The following SLC35F5 variants were observed in gnomAD, a reference collection of about 807,000 sequenced individuals.
The protein encoded by SLC35F5 is solute carrier family 35 member F5.
Under a neutral mutation model 68.6 loss-of-function variants are expected in SLC35F5, and 54 were observed. The observed-to-expected ratio is 0.79, with a 90% confidence interval of 0.63 to 0.99. SLC35F5 has a LOEUF of 0.99. SLC35F5 is among the 50% of genes least tolerant of loss of function. The pLI is 0.00. For synonymous variants in SLC35F5, 211 were observed against 205.2 expected (o/e 1.03, Z -0.24); for missense variants, 567 against 626.9 (o/e 0.90, Z 1.02).
At chr2:113,727,138 AGTTCCCC>A (rs1687693936) in intron 11 of SLC35F5, among the ~76,000 whole-genome samples, 1 of 152,162 alleles carries the variant, frequency 6.6e-6, no homozygotes, top group African/African-American at 2.4e-5. Context: ...AGTGTTTGGC[AGTTCCCC>A]CTTCTCAAGT....
chr2:113,756,517 G>GT lies in SLC35F5; in HGVS notation c.-109_-108insA. ...GCGCCGCACTGGAGGCCCAGCTCCT[G>GT]AAGACGCGGTGCCCCTCAGGGAGAG... On this transcript the variant is annotated 5_prime_UTR_variant, in exon 1 of 16. Transcript: ENST00000245680. 6.6e-7 allele frequency: 1 copy of GT among 1,506,218 alleles called. No individual in the cohort carries two copies. The highest frequency in any genetic ancestry group is 1.4e-5 in the African/African-American group (1 of 72,150). The allele number at this position is 1,506,218 out of a possible 1,614,324, so 93.3% of individuals were successfully genotyped here.
At chr2:113,725,685 G>C (rs1687632475) in intron 11 of SLC35F5, 148 bp from the exon 12 acceptor site, 1 of 650,232 alleles carries the variant, frequency 1.5e-6, no homozygotes. Context: ...TTTTAAGTCA[G>C]TCCTGTGAAT....
chr2:113,711,521 AT>A lies in SLC35F5; in HGVS notation c.*3696del, dbSNP rs1262572734. 6.6e-6 allele frequency among the ~76,000 whole-genome samples: 1 copy of A among 151,512 alleles called. No homozygotes were observed. The highest frequency in any genetic ancestry group is 1.5e-5 in the Non-Finnish European group (1 of 67,780). The stretch of plus-strand genomic sequence containing the variant: ...AAATGAGGCTGTTACTATAAAAAAA[AT>A]GTGGTGTCTAAAAATTGCAAGTCTA... On this transcript the variant is annotated 3_prime_UTR_variant, in exon 16 of 16. Coordinates refer to ENST00000245680, the MANE Select transcript of SLC35F5 (RefSeq NM_025181.5).
chr2:113,725,821 T>A (rs1687640136), intron 11 of SLC35F5: 2 of 244,986 alleles, frequency 8.2e-6, no homozygotes, highest in South Asian at 1.6e-4. Context: ...AGAAGGGTTG[T>A]TAACCTTAGC....
chr2:113,738,500 G>A (rs1460900778), intron 7 of SLC35F5, among the ~76,000 whole-genome samples: 2 of 151,882 alleles, frequency 1.3e-5, no homozygotes, highest in African/African-American at 2.4e-5. Context: ...TTCATCCATC[G>A]ATAGACACTC....
chr2:113,705,664 G>A (rs1018510027), downstream of SLC35F5: 1 of 152,064 alleles, frequency 6.6e-6, no homozygotes, highest in Admixed American at 6.5e-5. Context: ...GAAGAAAGAA[G>A]TTATAAGTAG....
At position 113,750,565 on chromosome 2, in the gene SLC35F5, C is replaced by T. The variant is rs778454228; in HGVS notation, c.277G>A (p.Val93Ile). Residue 93 changes from valine to isoleucine, a missense_variant, in exon 4 of 16, where the codon GTT (valine) becomes ATT (isoleucine). Transcript: ENST00000245680. Reference sequence around the variant, plus strand: ...AATGGTTTGTTGTACTGGGTAAAAACATACTGTAGAGGAAAAAGTTACACA... The same window carrying T: ...AATGGTTTGTTGTACTGGGTAAAAATATACTGTAGAGGAAAAAGTTACACA... The part of the protein sequence containing the change: ...WVASSELTSY[V>I]FTQYNKPFFS... 1 of 1,602,206 alleles carries T rather than the reference C, an allele frequency of 6.2e-7. No homozygotes were observed. The highest frequency in any genetic ancestry group is 8.5e-7 in the Non-Finnish European group (1 of 1,175,064).
intron 5 of SLC35F5, 104 bp downstream of exon 5, chr2:113,746,173 T>C: frequency 1.2e-6 from 1 of 842,156 alleles, no homozygotes. Context: ...TATTGAGCCA[T>C]ATCTATGTTG....
At chr2:113,702,906 C>G (rs190180730), downstream of SLC35F5, among the ~76,000 whole-genome samples, 1 of 152,024 alleles carries the variant, frequency 6.6e-6, no homozygotes, top group Non-Finnish European at 1.5e-5. Flanking sequence ...GCCAGGAGTT[C>G]GAGACCAGCC....
chr2:113,755,157 G>A lies in SLC35F5; in HGVS notation c.273+8C>T. The stretch of plus-strand genomic sequence containing the variant: ...ATGTAACATCATTCCTGGACCAAAG[G>A]TACATACCGAAGTAAGTTCAGAGGA... On this transcript the variant is annotated splice_region_variant and intron_variant, in intron 3 of 15. Coordinates refer to ENST00000245680, the MANE Select transcript of SLC35F5 (RefSeq NM_025181.5). 2.5e-6 allele frequency: 4 copies of A among 1,613,506 alleles called. No individual in the cohort carries two copies. The highest frequency in any genetic ancestry group is 2.5e-6 in the Non-Finnish European group (3 of 1,179,686).
At chr2:113,705,424 C>T (rs12464002), downstream of SLC35F5, 4,397 of 152,318 alleles carry the variant, frequency 0.029, 116 homozygotes, top group Admixed American at 0.036. Flanking sequence ...TGGTGGCGTG[C>T]GCCTGTAGTC....
chr2:113,749,637 T>A (rs1237843540), intron 4 of SLC35F5, among the ~76,000 whole-genome samples: 2 of 151,606 alleles, frequency 1.3e-5, no homozygotes, highest in African/African-American at 4.9e-5. Flanking sequence ...GTTACTAGGG[T>A]TTGGAGGGAA....
chr2:113,756,528 G>GC lies in SLC35F5; in HGVS notation c.-120dup, dbSNP rs1010128236. On this transcript the variant is annotated 5_prime_UTR_variant, in exon 1 of 16. Transcript: ENST00000245680. ...GAGGCCCAGCTCCTGAAGACGCGGTGCCCCTCAGGGAGAGGCTCCCGACAC... is the reference window on the plus strand; with the variant it reads ...GAGGCCCAGCTCCTGAAGACGCGGTGCCCCCTCAGGGAGAGGCTCCCGACAC... 41 of 1,492,846 alleles carry GC rather than the reference G, an allele frequency of 2.7e-5. No individual in the cohort carries two copies. Among genetic ancestry groups the GC allele is most frequent in the Non-Finnish European group, 3.5e-5 (39 of 1,125,504 alleles). The allele number at this position is 1,492,846 out of a possible 1,614,324, so 92.5% of individuals were successfully genotyped here.
At chr2:113,748,290 C>T (rs916313288) in intron 4 of SLC35F5, among the ~76,000 whole-genome samples, 3 of 149,800 alleles carry the variant, frequency 2.0e-5, no homozygotes, top group Admixed American at 6.6e-5. Context: ...CTCAGCCTCC[C>T]GACTAACCGG....
chr2:113,742,441 T>G, intron 7 of SLC35F5: 1 of 511,352 alleles, frequency 2.0e-6, no homozygotes, highest in Non-Finnish European at 3.4e-6. Flanking sequence ...AACCTGTGTG[T>G]GTTTGTAAGT....
At chr2:113,703,736 G>C (rs968297846), downstream of SLC35F5, 1 of 152,158 alleles carries the variant, frequency 6.6e-6, no homozygotes, top group Non-Finnish European at 1.5e-5. Context: ...TTACGGCCCT[G>C]AGAAGAAAAA....
rs1418662952 is a variant in SLC35F5 at position 113,712,922 on chromosome 2, C to CA, written c.*2295dup. 6.6e-6 allele frequency: 1 copy of CA among 152,170 alleles called. No individual in the cohort carries two copies. The highest frequency in any genetic ancestry group is 1.5e-5 in the Non-Finnish European group (1 of 68,028). The allele number at this position is 152,170 out of a possible 1,614,324, so 9.4% of individuals were successfully genotyped here. ...CCTTCCCAGCATTTCCAAAGACCTGCAATGTGCTCATTGTGATCCAAGGGC... is the reference window on the plus strand; with the variant it reads ...CCTTCCCAGCATTTCCAAAGACCTGCAAATGTGCTCATTGTGATCCAAGGGC... On this transcript the variant is annotated 3_prime_UTR_variant, in exon 16 of 16. Coordinates refer to ENST00000245680, the MANE Select transcript of SLC35F5 (RefSeq NM_025181.5).
At chr2:113,753,107 C>A (rs1288249036) in intron 3 of SLC35F5, among the ~76,000 whole-genome samples, 14 of 148,838 alleles carry the variant, frequency 9.4e-5, no homozygotes, top group Non-Finnish European at 1.6e-4. Flanking sequence ...TAGAAAATAA[C>A]CATAATAAAA....
In SLC35F5 at chr2:113,746,200, C is replaced by T. The variant is rs1676475778; in HGVS notation, c.480+77G>A. ...TCTATGTTGTAATACAGCTTTGCTG[C>T]CATCAAACCTGTTTCAGTTTTTCCT... On this transcript the variant is annotated intron_variant, in intron 5 of 15. Coordinates refer to ENST00000245680, the MANE Select transcript of SLC35F5 (RefSeq NM_025181.5). 19 of 1,034,278 alleles carry T rather than the reference C, an allele frequency of 1.8e-5. 1 individual carries two copies. Among genetic ancestry groups the T allele is most frequent in the South Asian group, 1.1e-4 (9 of 78,614 alleles). The allele number at this position is 1,034,278 out of a possible 1,614,324, so 64.1% of individuals were successfully genotyped here. A position where few individuals can be genotyped will look rare whatever the true frequency, so the allele number is the denominator to read the frequency against.
Sources: gnomAD v4.1 joint callset for allele counts (sites outside exome capture counted in the v4.1 genomes callset) on GRCh38, gnomAD v4.1.1 for gene constraint, MANE v1.5 for transcripts, NCBI Gene and HGNC (gene_info 2026-07-23, HGNC 2026-07-21) for gene names.